Variants in TFDP2 observed in about 807,000 individuals in gnomAD.
TFDP2 encodes transcription factor Dp-2 (E2F dimerization partner 2).
In TFDP2, 17 loss-of-function variants were observed where a neutral mutation model predicts 59.3. That is an observed-to-expected ratio of 0.29 (90% confidence interval 0.20 to 0.43). TFDP2 has a LOEUF of 0.43. Ranked by LOEUF, TFDP2 falls within the 20% of genes least tolerant of loss-of-function variation. The pLI is 1.00. For synonymous variants in TFDP2, 180 were observed against 194.7 expected (o/e 0.92, Z 0.63); for missense variants, 391 against 528.8 (o/e 0.74, Z 2.56).
At position 141,959,774 on chromosome 3, in the gene TFDP2, C is replaced by A. The variant is rs1438215571; in HGVS notation, c.951G>T (p.Arg317=). 1 of 1,614,054 alleles carries A rather than the reference C, an allele frequency of 6.2e-7. No individual in the cohort carries two copies. The highest frequency in any genetic ancestry group is 8.5e-7 in the Non-Finnish European group (1 of 1,180,030). The change falls in exon 11 of 13, where the codon CGG becomes CGT. Residue 317 remains arginine (R), a synonymous_variant. Coordinates refer to ENST00000489671, the MANE Select transcript of TFDP2 (RefSeq NM_001178139.2). ...EIHDDIEVLK[R]MGMSFGLESG... Reference sequence around the variant, plus strand: ...ACTCCAGGCCAAACGACATTCCCATCCGCTTTAGTACTTCTATGTCATCAT... The same window carrying A: ...ACTCCAGGCCAAACGACATTCCCATACGCTTTAGTACTTCTATGTCATCAT...
intron 6 of TFDP2, among the ~76,000 whole-genome samples, chr3:141,980,827 C>T (rs1027883330): frequency 2.0e-5 from 3 of 152,144 alleles, no homozygotes. Flanking sequence ...TGAACCACTG[C>T]TCCTGGCCAA....
intron 3 of TFDP2, among the ~76,000 whole-genome samples, chr3:142,084,738 A>C (rs2060752247): frequency 6.7e-6 from 1 of 150,142 alleles, no homozygotes; most frequent in African/African-American, 2.4e-5. Context: ...TAAACTTCAC[A>C]TGTTCTTACT....
At chr3:142,103,088 A>T (rs1314943139) in intron 1 of TFDP2, among the ~76,000 whole-genome samples, 1 of 152,052 alleles carries the variant, frequency 6.6e-6, no homozygotes, top group Non-Finnish European at 1.5e-5. Flanking sequence ...ATACAAAAAA[A>T]TTAGCTGGGT....
At chr3:141,957,546 AAAAAGTGG>A (rs1576451784) in intron 11 of TFDP2, among the ~76,000 whole-genome samples, 1 of 152,304 alleles carries the variant, frequency 6.6e-6, no homozygotes, top group East Asian at 1.9e-4. Flanking sequence ...CGAGATAGCC[AAAAAGTGG>A]AAACAGTCCA....
rs1340618231 is a variant in TFDP2, at chr3:141,944,955, C to T, written c.*7558G>A. Reference sequence around the variant, plus strand: ...AAGTCAGATGTGGTGGTTGCATTTTCCTCTTATCTCTCTTGTTTAAATTGC... The same window carrying T: ...AAGTCAGATGTGGTGGTTGCATTTTTCTCTTATCTCTCTTGTTTAAATTGC... On this transcript the variant is annotated 3_prime_UTR_variant, in exon 13 of 13. Coordinates refer to ENST00000489671, the MANE Select transcript of TFDP2 (RefSeq NM_001178139.2). 1 of 152,148 alleles carries T rather than the reference C, an allele frequency of 6.6e-6. No individual in the cohort carries two copies. The highest frequency in any genetic ancestry group is 2.4e-5 in the African/African-American group (1 of 41,420). The allele number at this position is 152,148 out of a possible 1,614,324, so 9.4% of individuals were successfully genotyped here.
intron 8 of TFDP2, among the ~76,000 whole-genome samples, chr3:141,970,690 A>T (rs1483451028): frequency 6.6e-6 from 1 of 152,212 alleles, no homozygotes; most frequent in Non-Finnish European, 1.5e-5. Flanking sequence ...TACTCCTCTA[A>T]GAATAAGGCA....
At chr3:141,993,841 T>TA (rs1284031713) in intron 5 of TFDP2, among the ~76,000 whole-genome samples, 4 of 152,184 alleles carry the variant, frequency 2.6e-5, no homozygotes, top group African/African-American at 9.6e-5. Flanking sequence ...GCAAACAAGA[T>TA]AGAGAAAAAT....
intron 3 of TFDP2, among the ~76,000 whole-genome samples, chr3:142,054,546 G>A (rs181588591): frequency 3.9e-5 from 6 of 152,238 alleles, no homozygotes; most frequent in East Asian, 1.9e-4. Flanking sequence ...AGGGGTTACC[G>A]TGTATCTCAG....
chr3:141,976,062 G>A (rs750058436), intron 7 of TFDP2, among the ~76,000 whole-genome samples: 4 of 151,952 alleles, frequency 2.6e-5, no homozygotes, highest in Non-Finnish European at 4.4e-5. Flanking sequence ...TGTATTTTTA[G>A]TACAGACAGG....
At chr3:142,046,585 CGTTGGT>C (rs10569514) in intron 3 of TFDP2, among the ~76,000 whole-genome samples, 130,548 of 151,522 alleles carry the variant, frequency 0.86, 56,604 homozygotes, top group African/African-American at 0.97. Flanking sequence ...TGCAACACGG[CGTTGGT>C]GTTGGTGGGA....
Position 141,951,325 on chromosome 3 carries a change from T to C in TFDP2, c.*1188A>G, listed in dbSNP as rs1411708281. On this transcript the variant is annotated 3_prime_UTR_variant, in exon 13 of 13. Transcript: ENST00000489671. ...GTATTTCTAATGACATCTTGAGCCA[T>C]AAACAACATAACTGCACTACCATAT... The C allele has an allele frequency of 1.3e-5, 2 of 152,224 alleles. No individual in the cohort carries two copies. The highest frequency in any genetic ancestry group is 6.5e-5 in the Admixed American group (1 of 15,272). The allele number at this position is 152,224 out of a possible 1,614,324, so 9.4% of individuals were successfully genotyped here.
intron 3 of TFDP2, chr3:142,043,976 G>A: frequency 1.4e-6 from 1 of 730,580 alleles, no homozygotes; most frequent in South Asian, 1.5e-5. Flanking sequence ...ATGCCACTGT[G>A]CCTGCCTTCC....
At position 141,945,705 on chromosome 3, in the gene TFDP2, C is replaced by CA. The variant is rs1935168653; in HGVS notation, c.*6807dup. On this transcript the variant is annotated 3_prime_UTR_variant, in exon 13 of 13. Transcript: ENST00000489671. ...ATGAAAATCCTGGCCCCAGTGTGAA[C>CA]AAGCACAATCGCCAGGCCATGTGAC... The CA allele has an allele frequency of 6.6e-6, 1 of 152,272 alleles. No individual in the cohort carries two copies. The highest frequency in any genetic ancestry group is 2.1e-4 in the South Asian group (1 of 4,838). 9.4% of individuals were successfully genotyped at this position (152,272 alleles called of 1,614,324 possible).
At chr3:141,988,237 T>C (rs1252702967) in intron 6 of TFDP2, among the ~76,000 whole-genome samples, 17 of 152,106 alleles carry the variant, frequency 1.1e-4, no homozygotes. Flanking sequence ...TGAGCCACCG[T>C]GCCTGGCCTG....
chr3:141,992,716 G>C (rs1942907259), intron 6 of TFDP2, among the ~76,000 whole-genome samples: 1 of 152,206 alleles, frequency 6.6e-6, no homozygotes, highest in Admixed American at 6.5e-5. Context: ...AACAGCACTA[G>C]TGTCAGGGCA....
intron 1 of TFDP2, among the ~76,000 whole-genome samples, chr3:142,140,863 C>T: frequency 6.6e-6 from 1 of 152,208 alleles, no homozygotes; most frequent in East Asian, 1.9e-4. Context: ...AGGAGGCTGA[C>T]TGTCCATTCT....
At chr3:142,137,133 C>T (rs998439681) in intron 1 of TFDP2, among the ~76,000 whole-genome samples, 1 of 150,888 alleles carries the variant, frequency 6.6e-6, no homozygotes, top group Non-Finnish European at 1.5e-5. Flanking sequence ...AGGTATTTTA[C>T]TCTCTTTGTA....
chr3:142,062,126 G>T (rs2059936681), intron 3 of TFDP2, among the ~76,000 whole-genome samples: 1 of 151,492 alleles, frequency 6.6e-6, no homozygotes, highest in Non-Finnish European at 1.5e-5. Context: ...CTTAATGAAT[G>T]GTACACATAT....
chr3:142,056,342 A>C (rs1483053398), intron 3 of TFDP2, among the ~76,000 whole-genome samples: 1 of 151,026 alleles, frequency 6.6e-6, no homozygotes, highest in East Asian at 1.9e-4. Flanking sequence ...GTTTATTCCC[A>C]TGGAGAAGTT....
Sources: allele counts gnomAD v4.1 joint callset (sites outside exome capture counted in the v4.1 genomes callset), GRCh38; gene constraint gnomAD v4.1.1; transcripts MANE v1.5; gene names NCBI Gene and HGNC (gene_info 2026-07-23, HGNC 2026-07-21).